KLF15: variants seen among roughly 807,000 people sequenced by gnomAD.
The protein encoded by KLF15 is Krueppel-like factor 15.
In KLF15, 4 loss-of-function variants were observed where a neutral mutation model predicts 24.6. The ratio of observed to expected loss-of-function variants is 0.16; its 90% CI spans 0.08 to 0.37. KLF15 has a LOEUF of 0.37. Among genes scored for constraint, KLF15 ranks in the 10% least tolerant of loss-of-function variants. The probability of loss-of-function intolerance (pLI) is 1.00; values close to 1 mark genes in which losing one functional copy is unlikely to be tolerated. For synonymous variants in KLF15, 246 were observed against 236.3 expected (o/e 1.04, Z -0.37); for missense variants, 496 against 560.6 (o/e 0.88, Z 1.16).
At chr3:126,338,273 G>A (rs1297690866), downstream of KLF15, among the ~76,000 whole-genome samples, 2 of 152,200 alleles carry the variant, frequency 1.3e-5, no homozygotes, top group Non-Finnish European at 2.9e-5. Flanking sequence ...GTCCTCTGAT[G>A]GGCAGTGGTC....
the KLF15 span, among the ~76,000 whole-genome samples, chr3:126,308,639 AG>A: frequency 5.9e-5 from 9 of 152,294 alleles, no homozygotes; most frequent in African/African-American, 2.2e-4. Context: ...AAGGCCTCAC[AG>A]GGGCATTTTC....
chr3:126,352,551 C>T lies in KLF15; in HGVS notation c.372G>A (p.Glu124=), dbSNP rs2082593341. The change falls in exon 2 of 3, where the codon GAG becomes GAA. Residue 124 remains glutamate (E), a synonymous_variant. Coordinates refer to ENST00000296233, the MANE Select transcript of KLF15 (RefSeq NM_014079.4). The part of the protein sequence containing the change: ...PVKGEHFCLP[E]FPLGDPDDVP... ...CGTCATCAGGATCACCCAAAGGAAA[C>T]TCGGGCAAGCAGAAATGCTCCCCCT... The T allele has an allele frequency of 1.2e-6, 2 of 1,612,934 alleles. No homozygotes were observed. Among genetic ancestry groups the T allele is most frequent in the Non-Finnish European group, 1.7e-6 (2 of 1,180,006 alleles).
the KLF15 span, among the ~76,000 whole-genome samples, chr3:126,323,106 A>G: frequency 6.2e-4 from 94 of 151,204 alleles, no homozygotes; most frequent in Middle Eastern, 3.4e-3. Flanking sequence ...TTATTTGGAA[A>G]AAATTTAAAT....
the KLF15 span, among the ~76,000 whole-genome samples, chr3:126,290,495 T>TCTTCCTTCCTTC: frequency 9.3e-6 from 1 of 107,170 alleles, no homozygotes; most frequent in African/African-American, 4.2e-5. Flanking sequence ...TTCCTTCCTT[T>TCTTCCTTCCTTC]CTTCCTTCCT....
chr3:126,340,687 C>T (rs1234012158), downstream of KLF15, among the ~76,000 whole-genome samples: 1 of 152,162 alleles, frequency 6.6e-6, no homozygotes, highest in Non-Finnish European at 1.5e-5. Context: ...TTCCAGCTTC[C>T]ACCTCTATTC....
rs367711394 is a variant in KLF15 at position 126,351,960 on chromosome 3, G to A, written c.963C>T (p.His321=). ...KNPAAELIKM[H]KCTFPGCSKM... is the part of the protein sequence containing the mutation. ...TGCTGCAGCCAGGGAAAGTACATTT[G>A]TGCATTTTGATGAGTTCTGCGGCTG... The change falls in exon 2 of 3, where the codon CAC becomes CAT. Residue 321 remains histidine, a synonymous_variant. Transcript: ENST00000296233. 6 of 1,610,816 alleles carry A rather than the reference G, an allele frequency of 3.7e-6. No individual in the cohort carries two copies. Among genetic ancestry groups the A allele is most frequent in the Non-Finnish European group, 5.1e-6 (6 of 1,178,594 alleles).
the KLF15 span, among the ~76,000 whole-genome samples, chr3:126,321,137 T>A: frequency 6.6e-6 from 1 of 152,142 alleles, no homozygotes; most frequent in Non-Finnish European, 1.5e-5. Context: ...AGGTGTAGCA[T>A]GTGTACTACA....
chr3:126,297,387 T>C, the KLF15 span, among the ~76,000 whole-genome samples: 36 of 152,338 alleles, frequency 2.4e-4, no homozygotes, highest in African/African-American at 7.5e-4. Context: ...TATTGTAAAA[T>C]ATTGCTTTCT....
chr3:126,300,322 A>T, the KLF15 span, among the ~76,000 whole-genome samples: 1 of 151,840 alleles, frequency 6.6e-6, no homozygotes, highest in Admixed American at 6.6e-5. Flanking sequence ...TAACAACTGG[A>T]CCCCACCACC....
the KLF15 span, chr3:126,294,064 T>A: frequency 1.3e-5 from 2 of 152,268 alleles, no homozygotes; most frequent in Non-Finnish European, 2.9e-5. Flanking sequence ...GGTCTGTCGC[T>A]CTTGGACAGT....
chr3:126,315,660 T>A, the KLF15 span, among the ~76,000 whole-genome samples: 1 of 152,174 alleles, frequency 6.6e-6, no homozygotes, highest in African/African-American at 2.4e-5. Flanking sequence ...TCCGGCTGCA[T>A]CTTAACAGAA....
chr3:126,307,375 G>A, the KLF15 span, among the ~76,000 whole-genome samples: 2 of 152,208 alleles, frequency 1.3e-5, no homozygotes, highest in African/African-American at 2.4e-5. Flanking sequence ...GAGGCGGACT[G>A]GGGACTCAGT....
At chr3:126,316,089 A>C in the KLF15 span, among the ~76,000 whole-genome samples, 1 of 152,256 alleles carries the variant, frequency 6.6e-6, no homozygotes, top group African/African-American at 2.4e-5. Context: ...ACAAGAATTC[A>C]AACAAATAAT....
chr3:126,293,515 G>T, the KLF15 span, among the ~76,000 whole-genome samples: 2 of 152,152 alleles, frequency 1.3e-5, no homozygotes, highest in Non-Finnish European at 2.9e-5. Context: ...GCCTGTGTAA[G>T]CACACACCTG....
chr3:126,352,823 T>G lies in KLF15; in HGVS notation c.100A>C (p.Met34Leu). The change falls in exon 2 of 3, where the codon ATG (methionine) becomes CTG (leucine). Residue 34 changes from methionine to leucine, a missense_variant. Coordinates refer to ENST00000296233, the MANE Select transcript of KLF15 (RefSeq NM_014079.4). ...DRLVGRRAYH[M>L]LPSPVSEDDS... is the part of the protein sequence containing the mutation. ...TCTTCAGAGACGGGTGAGGGCAGCA[T>G]GTGATATGCCCGCCGGCCAACCAGC... 3.7e-6 allele frequency: 6 copies of G among 1,606,294 alleles called. 1 individual carries two copies. Among genetic ancestry groups the G allele is most frequent in the East Asian group, 2.2e-5 (1 of 44,582 alleles).
At chr3:126,328,526 G>A in the KLF15 span, among the ~76,000 whole-genome samples, 1 of 152,158 alleles carries the variant, frequency 6.6e-6, no homozygotes, top group Non-Finnish European at 1.5e-5. Context: ...CATAGTGGCT[G>A]TACTAGTTTA....
At chr3:126,328,559 G>T in the KLF15 span, among the ~76,000 whole-genome samples, 403 of 152,246 alleles carry the variant, frequency 2.6e-3, 2 homozygotes, top group Admixed American at 4.6e-3. Flanking sequence ...CAGCGTAGAA[G>T]TGTTCCCTGT....
the KLF15 span, among the ~76,000 whole-genome samples, chr3:126,302,683 T>C: frequency 6.6e-6 from 1 of 152,198 alleles, no homozygotes; most frequent in Non-Finnish European, 1.5e-5. Context: ...CTCTGAAATT[T>C]ACTTTGTCTG....
the KLF15 span, among the ~76,000 whole-genome samples, chr3:126,307,605 A>G: frequency 6.6e-6 from 1 of 152,134 alleles, no homozygotes; most frequent in African/African-American, 2.4e-5. Context: ...ACTCAGCCAC[A>G]CTTGGGTTTT....
Sources: allele counts gnomAD v4.1 joint callset (sites outside exome capture counted in the v4.1 genomes callset), GRCh38; gene constraint gnomAD v4.1.1; transcripts MANE v1.5; gene names NCBI Gene and HGNC (gene_info 2026-07-23, HGNC 2026-07-21).